The following ZDHHC14 variants were observed in gnomAD, a reference collection of about 807,000 sequenced individuals.
ZDHHC14 encodes zDHHC palmitoyltransferase 14, also known as palmitoyltransferase ZDHHC14.
ZDHHC14 carries 16 observed loss-of-function variants against 47.7 expected under a neutral mutation model. The ratio of observed to expected loss-of-function variants is 0.34; its 90% CI spans 0.23 to 0.51. The LOEUF is 0.51. ZDHHC14 is among the 20% of genes least tolerant of loss of function. ZDHHC14 has a pLI of 0.97. For missense variants in ZDHHC14, 515 were observed against 662.5 expected (o/e 0.78, Z 2.44); for synonymous variants, 293 against 278.9 (o/e 1.05, Z -0.50).
intron 1 of ZDHHC14, among the ~76,000 whole-genome samples, chr6:157,527,592 C>T (rs1781204472): frequency 6.6e-6 from 1 of 152,184 alleles, no homozygotes. Flanking sequence ...GTAAGCACTA[C>T]AGTCACGAGG....
chr6:157,393,011 C>T (rs1213987164), intron 1 of ZDHHC14, among the ~76,000 whole-genome samples: 3 of 152,082 alleles, frequency 2.0e-5, no homozygotes, highest in Non-Finnish European at 4.4e-5. Context: ...TCTCGAGTAG[C>T]TGGGATTATA....
intron 1 of ZDHHC14, among the ~76,000 whole-genome samples, chr6:157,488,144 A>G (rs1779828115): frequency 1.3e-5 from 2 of 152,308 alleles, no homozygotes; most frequent in South Asian, 4.2e-4. Context: ...TCCCAGAGGC[A>G]GCACCCACTT....
At chr6:157,594,819 G>C (rs1374700367) in intron 3 of ZDHHC14, among the ~76,000 whole-genome samples, 4 of 152,122 alleles carry the variant, frequency 2.6e-5, no homozygotes, top group African/African-American at 7.2e-5. Context: ...ACCTATCTTG[G>C]GGACAATTTA....
chr6:157,592,394 T>C (rs1783943150), intron 2 of ZDHHC14, among the ~76,000 whole-genome samples: 1 of 152,182 alleles, frequency 6.6e-6, no homozygotes. Context: ...TTTCTCCCCC[T>C]CCCATTCTAT....
rs188886706 is a variant in ZDHHC14, at chr6:157,389,101, G to A, written c.245+6835G>A. On this transcript the variant is annotated intron_variant, in intron 1 of 8. Transcript: ENST00000359775. ...TTTAATATGGATTTAACATAAGATA[G>A]CATCATAGCATAGTACTTAAAGCAG... Among the ~76,000 whole-genome samples the A allele has an allele frequency of 3.8e-3, 575 of 151,870 alleles. 5 individuals are homozygous for A. Among genetic ancestry groups the A allele is most frequent in the Middle Eastern group, 6.9e-3 (2 of 290 alleles).
intron 1 of ZDHHC14, among the ~76,000 whole-genome samples, chr6:157,448,134 C>G (rs1202107972): frequency 1.3e-5 from 2 of 152,194 alleles, no homozygotes; most frequent in Non-Finnish European, 2.9e-5. Flanking sequence ...CCACCCCAGC[C>G]TCCCAAAGGT....
intron 1 of ZDHHC14, among the ~76,000 whole-genome samples, chr6:157,411,311 G>C (rs887836934): frequency 2.0e-5 from 3 of 152,210 alleles, no homozygotes; most frequent in Non-Finnish European, 4.4e-5. Context: ...ACAGACAAAT[G>C]GTTGCCAGGG....
At chr6:157,568,113 T>C (rs140273035) in intron 2 of ZDHHC14, among the ~76,000 whole-genome samples, 35 of 152,356 alleles carry the variant, frequency 2.3e-4, no homozygotes, top group East Asian at 7.7e-4. Flanking sequence ...CTTGCATTTT[T>C]TTCCAAAGCA....
intron 1 of ZDHHC14, among the ~76,000 whole-genome samples, chr6:157,413,215 G>T (rs371433027): frequency 2.6e-5 from 4 of 152,336 alleles, no homozygotes; most frequent in East Asian, 1.9e-4. Flanking sequence ...GGGTCGAGGG[G>T]TGGGCACATG....
intron 1 of ZDHHC14, among the ~76,000 whole-genome samples, chr6:157,528,558 T>C (rs376224243): frequency 8.6e-5 from 13 of 151,948 alleles, no homozygotes; most frequent in Non-Finnish European, 1.8e-4. Context: ...GGTGAAACCC[T>C]GTCTCTACTA....
intron 8 of ZDHHC14, among the ~76,000 whole-genome samples, chr6:157,656,278 G>A (rs568607096): frequency 3.9e-5 from 6 of 152,244 alleles, no homozygotes; most frequent in African/African-American, 7.2e-5. Flanking sequence ...GAAGCCTGTC[G>A]CAGTGCAGCA....
intron 3 of ZDHHC14, among the ~76,000 whole-genome samples, chr6:157,617,895 C>T (rs1583026335): frequency 2.0e-5 from 3 of 152,054 alleles, no homozygotes; most frequent in Admixed American, 6.6e-5. Flanking sequence ...GGGTAGAGAT[C>T]GAGTGAGTGA....
intron 3 of ZDHHC14, among the ~76,000 whole-genome samples, chr6:157,611,704 A>C (rs570318677): frequency 6.6e-6 from 1 of 152,212 alleles, no homozygotes; most frequent in Admixed American, 6.5e-5. Flanking sequence ...TCAAACTGCA[A>C]CTTAGCTTGA....
intron 1 of ZDHHC14, among the ~76,000 whole-genome samples, chr6:157,406,922 G>T (rs1666801984): frequency 6.6e-6 from 1 of 152,194 alleles, no homozygotes; most frequent in South Asian, 2.1e-4. Context: ...CAGTGAGAAG[G>T]GGGATAGAGT....
chr6:157,391,087 T>G (rs578015825), intron 1 of ZDHHC14, among the ~76,000 whole-genome samples: 2 of 152,264 alleles, frequency 1.3e-5, no homozygotes, highest in African/African-American at 4.8e-5. Flanking sequence ...TTTTTATCAC[T>G]GGCTTCAAAT....
At chr6:157,574,916 T>A (rs541881948) in intron 2 of ZDHHC14, among the ~76,000 whole-genome samples, 82 of 152,364 alleles carry the variant, frequency 5.4e-4, no homozygotes, top group African/African-American at 1.9e-3. Context: ...TTGGCCTCTG[T>A]ATTATTCAGT....
intron 2 of ZDHHC14, among the ~76,000 whole-genome samples, chr6:157,553,466 T>C (rs909144695): frequency 2.6e-5 from 4 of 152,060 alleles, no homozygotes; most frequent in South Asian, 2.1e-4. Context: ...TCTGTGAAAA[T>C]AGGACTTTGC....
chr6:157,617,072 C>A (rs1447635963), intron 3 of ZDHHC14, among the ~76,000 whole-genome samples: 2 of 152,200 alleles, frequency 1.3e-5, no homozygotes, highest in Non-Finnish European at 2.9e-5. Context: ...ATGGAAAGAA[C>A]CCTCCAGGTG....
chr6:157,393,680 C>T (rs568780492), intron 1 of ZDHHC14, among the ~76,000 whole-genome samples: 15 of 152,190 alleles, frequency 9.9e-5, no homozygotes, highest in Non-Finnish European at 1.9e-4. Flanking sequence ...CTCCTAAGTG[C>T]ACCATCTCTG....
Sources: gnomAD v4.1 joint callset for allele counts (sites outside exome capture counted in the v4.1 genomes callset) on GRCh38, gnomAD v4.1.1 for gene constraint, MANE v1.5 for transcripts, NCBI Gene and HGNC (gene_info 2026-07-23, HGNC 2026-07-21) for gene names.